The following SLC9A9 variants were observed in gnomAD, a reference collection of about 807,000 sequenced individuals.
SLC9A9 encodes sodium/hydrogen exchanger 9.
A neutral mutation model predicts 77.8 loss-of-function variants in SLC9A9; 62 were observed. That is an observed-to-expected ratio of 0.80 (90% CI 0.65 to 0.98). SLC9A9 has a LOEUF of 0.98. Among genes scored for constraint, SLC9A9 ranks in the 50% least tolerant of loss-of-function variants. SLC9A9 has a pLI of 0.00. For synonymous variants in SLC9A9, 320 were observed against 283.5 expected, an observed-to-expected ratio of 1.13 and a Z score of -1.29; for missense variants, 775 against 774.9, an observed-to-expected ratio of 1.00 and a Z score of 0.00.
chr3:143,384,222 G>A (rs923931376), intron 12 of SLC9A9, among the ~76,000 whole-genome samples: 1 of 151,950 alleles, frequency 6.6e-6, no homozygotes, highest in Admixed American at 6.6e-5. Context: ...AGAGAGGGGT[G>A]GGGGTGGCCT....
intron 9 of SLC9A9, among the ~76,000 whole-genome samples, chr3:143,512,269 G>A (rs72991965): frequency 6.6e-6 from 1 of 152,264 alleles, no homozygotes; most frequent in South Asian, 2.1e-4. Flanking sequence ...GATCTAAAAC[G>A]TTGAACTGAG....
chr3:143,401,005 CTT>C (rs1336488258), intron 12 of SLC9A9, among the ~76,000 whole-genome samples: 3 of 152,180 alleles, frequency 2.0e-5, no homozygotes, highest in East Asian at 3.9e-4. Flanking sequence ...GGACTGCTGA[CTT>C]TTTCATTTTT....
intron 12 of SLC9A9, among the ~76,000 whole-genome samples, chr3:143,466,655 CT>C (rs1559928619): frequency 6.6e-6 from 1 of 152,198 alleles, no homozygotes; most frequent in Non-Finnish European, 1.5e-5. Context: ...TCACTTTATC[CT>C]TTGTATTATA....
chr3:143,495,270 A>C (rs2035812919), intron 10 of SLC9A9, 65 bp downstream of exon 10: 1 of 1,346,644 alleles, frequency 7.4e-7, no homozygotes, highest in Non-Finnish European at 1.1e-6. Context: ...TAACAGAATA[A>C]TTCGTAAAAG....
chr3:143,300,198 G>A (rs2030461497), intron 14 of SLC9A9, among the ~76,000 whole-genome samples: 1 of 152,158 alleles, frequency 6.6e-6, no homozygotes, highest in Non-Finnish European at 1.5e-5. Context: ...TATTTTAGCT[G>A]TTTCACCTAG....
intron 13 of SLC9A9, among the ~76,000 whole-genome samples, chr3:143,364,702 T>C (rs1200374854): frequency 6.6e-6 from 1 of 152,190 alleles, no homozygotes; most frequent in Non-Finnish European, 1.5e-5. Context: ...GCAAATGAAA[T>C]GGAACTACAA....
chr3:143,803,673 C>G (rs2008630135), intron 2 of SLC9A9, among the ~76,000 whole-genome samples: 1 of 152,178 alleles, frequency 6.6e-6, no homozygotes, highest in Admixed American at 6.5e-5. Flanking sequence ...ATGCCACCCT[C>G]TATCTCTCCC....
chr3:143,394,033 C>A (rs1442079997), intron 12 of SLC9A9, among the ~76,000 whole-genome samples: 1 of 152,106 alleles, frequency 6.6e-6, no homozygotes, highest in East Asian at 1.9e-4. Context: ...CAAGGAGGAG[C>A]TGGTACCATT....
intron 9 of SLC9A9, chr3:143,517,608 C>A: frequency 6.3e-7 from 1 of 1,597,512 alleles, no homozygotes; most frequent in Non-Finnish European, 8.5e-7. Context: ...AATTTACAGG[C>A]AAGGGCAAGA....
chr3:143,710,520 T>C (rs1934112898), intron 4 of SLC9A9, among the ~76,000 whole-genome samples: 1 of 151,526 alleles, frequency 6.6e-6, no homozygotes, highest in South Asian at 2.1e-4. Context: ...GCAACATTGT[T>C]TGGAATCTGT....
At chr3:143,340,694 C>T (rs2032072311) in intron 14 of SLC9A9, among the ~76,000 whole-genome samples, 1 of 152,156 alleles carries the variant, frequency 6.6e-6, no homozygotes, top group African/African-American at 2.4e-5. Context: ...AGTTTTTGCC[C>T]TTACCATATT....
intron 9 of SLC9A9, among the ~76,000 whole-genome samples, chr3:143,536,738 A>C (rs2036595235): frequency 6.6e-6 from 1 of 152,254 alleles, no homozygotes; most frequent in Non-Finnish European, 1.5e-5. Context: ...GTACTTATAC[A>C]AATAGCCAAA....
chr3:143,593,766 T>C (rs144921584), intron 6 of SLC9A9, among the ~76,000 whole-genome samples: 128 of 152,350 alleles, frequency 8.4e-4, no homozygotes, highest in Non-Finnish European at 1.4e-3. Flanking sequence ...CTAATGAATG[T>C]CATTAAAAGG....
intron 12 of SLC9A9, among the ~76,000 whole-genome samples, chr3:143,430,764 C>T (rs897305815): frequency 3.3e-5 from 5 of 152,204 alleles, no homozygotes; most frequent in Admixed American, 2.0e-4. Flanking sequence ...GAGCCACCTT[C>T]CAGGTGGGCA....
chr3:143,522,576 C>T (rs1219862750), intron 9 of SLC9A9, among the ~76,000 whole-genome samples: 3 of 152,114 alleles, frequency 2.0e-5, no homozygotes, highest in Non-Finnish European at 4.4e-5. Flanking sequence ...TTGGCATCCC[C>T]TATCATCTCA....
At chr3:143,389,224 T>C (rs1307474534) in intron 12 of SLC9A9, among the ~76,000 whole-genome samples, 1 of 152,184 alleles carries the variant, frequency 6.6e-6, no homozygotes, top group East Asian at 1.9e-4. Flanking sequence ...CATTGTGATA[T>C]TAAGAAACTG....
At chr3:143,290,829 TC>T (rs1389454600) in intron 14 of SLC9A9, among the ~76,000 whole-genome samples, 1 of 152,200 alleles carries the variant, frequency 6.6e-6, no homozygotes, top group Non-Finnish European at 1.5e-5. Flanking sequence ...CCAGCACCTA[TC>T]CCCTGTATCT....
rs1401281214 is a variant in SLC9A9, at chr3:143,828,937, A to C, written c.378+3082T>G. Among the ~76,000 whole-genome samples the C allele has an allele frequency of 2.0e-5, 3 of 152,166 alleles. No individual in the cohort carries two copies. In the East Asian group the frequency reaches 5.8e-4, roughly 29 times the overall value. ...ATTAGCGTCACCTTGGTGATCTTCT[A>C]AAAATTCCAAAACCCTTGATACTCC... On this transcript the variant is annotated intron_variant, in intron 2 of 15. Transcript: ENST00000316549.
At chr3:143,536,322 T>TTG (rs908974236) in intron 9 of SLC9A9, among the ~76,000 whole-genome samples, 5 of 152,178 alleles carry the variant, frequency 3.3e-5, no homozygotes, top group African/African-American at 1.2e-4. Context: ...AAATTACTTA[T>TTG]TCTCTCTCCA....
Sources: allele counts gnomAD v4.1 joint callset (sites outside exome capture counted in the v4.1 genomes callset), GRCh38; gene constraint gnomAD v4.1.1; transcripts MANE v1.5; gene names NCBI Gene and HGNC (gene_info 2026-07-23, HGNC 2026-07-21).